The following ZNF114 variants were observed in gnomAD, a reference collection of about 807,000 sequenced individuals.
The protein encoded by ZNF114 is zinc finger protein 114, also known as zinc finger protein 114 (Y18).
Under a neutral mutation model 6.8 loss-of-function variants are expected in ZNF114, and 8 were observed. The ratio of observed to expected loss-of-function variants is 1.18; its 90% CI spans 0.69 to 2.13. The LOEUF is 2.13. Ranked by LOEUF, ZNF114 falls within the 30% of genes most tolerant of loss-of-function variation. The pLI is 0.00. For synonymous variants in ZNF114, 169 were observed against 185.5 expected (o/e 0.91, Z 0.72); for missense variants, 472 against 519.5 (o/e 0.91, Z 0.89).
intron 3 of ZNF114, among the ~76,000 whole-genome samples, chr19:48,273,055 A>G (rs1264941376): frequency 1.3e-5 from 2 of 152,162 alleles, no homozygotes; most frequent in Non-Finnish European, 2.9e-5. Flanking sequence ...TCGGCCTCCC[A>G]AAGGGCTGGG....
intron 5 of ZNF114, 58 bp downstream of exon 5, chr19:48,282,555 C>A: frequency 6.4e-7 from 1 of 1,550,390 alleles, no homozygotes; most frequent in Non-Finnish European, 8.7e-7. Context: ...GGTTTGGAAC[C>A]GTGTTCTGGG....
chr19:48,283,823 T>A (rs1474061187), intron 5 of ZNF114, among the ~76,000 whole-genome samples: 1 of 151,624 alleles, frequency 6.6e-6, no homozygotes, highest in Non-Finnish European at 1.5e-5. Context: ...AACCTCCACC[T>A]CCCGGGTTCA....
chr19:48,282,391 C>T lies in ZNF114; in HGVS notation c.30C>T (p.Asp10=), dbSNP rs114360264. MSQDSVTFA[D]VAVNFTKEEW... ...TTTAGGACTCGGTGACCTTCGCAGACGTGGCTGTGAACTTCACCAAAGAGG... is the reference window on the plus strand; with the variant it reads ...TTTAGGACTCGGTGACCTTCGCAGATGTGGCTGTGAACTTCACCAAAGAGG... Residue 10 remains aspartate (D), a synonymous_variant, in exon 5 of 6, where the codon GAC becomes GAT. Coordinates refer to ENST00000595607, the MANE Select transcript of ZNF114 (RefSeq NM_153608.4). The T allele has an allele frequency of 2.6e-4, 415 of 1,612,998 alleles. 1 individual carries two copies. The African/African-American group carries it at 4.4e-3, about 17-fold the overall frequency.
intron 5 of ZNF114, among the ~76,000 whole-genome samples, chr19:48,285,068 C>T (rs1245447823): frequency 6.6e-6 from 1 of 152,244 alleles, no homozygotes; most frequent in Non-Finnish European, 1.5e-5. Context: ...ATGACACTCT[C>T]CATGTTGAAC....
At position 48,275,457 on chromosome 19, in the gene ZNF114, C is replaced by CACAA. The variant is rs1181746572; in HGVS notation, c.-70+3630_-70+3631insCAAA. Among the ~76,000 whole-genome samples the CACAA allele has an allele frequency of 4.6e-4, 67 of 144,678 alleles. 1 individual carries two copies. Among genetic ancestry groups the CACAA allele is most frequent in the African/African-American group, 1.6e-3 (62 of 39,542 alleles). The allele number at this position is 144,678 out of a possible 152,430, so 94.9% of individuals were successfully genotyped here. A position where few individuals can be genotyped will look rare whatever the true frequency, so the allele number is the denominator to read the frequency against. On this transcript the variant is annotated intron_variant, in intron 3 of 5. Coordinates refer to ENST00000595607, the MANE Select transcript of ZNF114 (RefSeq NM_153608.4). ...ACACACACACACACACACACACACA[C>CACAA]AAAATAGCCAGGCGTGGTGGTGGTC... is the stretch of plus-strand genomic sequence containing the variant.
intron 4 of ZNF114, 126 bp downstream of exon 4, chr19:48,279,934 G>A (rs1450637855): frequency 7.2e-7 from 1 of 1,382,096 alleles, no homozygotes; most frequent in African/African-American, 1.4e-5. Context: ...CAGCCGTGCT[G>A]CCCTAGGTCT....
chr19:48,276,157 G>A (rs1337748494), intron 3 of ZNF114, among the ~76,000 whole-genome samples: 3 of 131,302 alleles, frequency 2.3e-5, no homozygotes, highest in Admixed American at 8.7e-5. Context: ...TCGGCTCACC[G>A]CAACCTCCGC....
At chr19:48,277,398 C>T (rs372473476) in intron 3 of ZNF114, among the ~76,000 whole-genome samples, 18 of 152,194 alleles carry the variant, frequency 1.2e-4, no homozygotes, top group African/African-American at 4.1e-4. Context: ...TGTAGTTTTC[C>T]GTCATCCGTA....
chr19:48,282,608 C>A (rs1968020610), intron 5 of ZNF114, 111 bp downstream of exon 5: 7 of 1,322,098 alleles, frequency 5.3e-6, no homozygotes. Context: ...TCCAGAGACA[C>A]AGCTGCTGCC....
At chr19:48,278,926 G>C (rs1462781919) in intron 3 of ZNF114, among the ~76,000 whole-genome samples, 5 of 151,440 alleles carry the variant, frequency 3.3e-5, no homozygotes, top group Non-Finnish European at 4.4e-5. Context: ...CTGGGCAACA[G>C]AGTGAGACTC....
Position 48,270,393 on chromosome 19 carries a change from G to GAAA in ZNF114, c.-377+183_-377+185dup, listed in dbSNP as rs57820634. ...AAGGACAGAGCAAGAACTTGTCTCAGAAAAAAAAAAAGAAAAAAAGAATAA... is the reference window on the plus strand; with the variant it reads ...AAGGACAGAGCAAGAACTTGTCTCAGAAAAAAAAAAAAAAGAAAAAAAGAATAA... On this transcript the variant is annotated intron_variant, in intron 1 of 5. Coordinates refer to ENST00000595607, the MANE Select transcript of ZNF114 (RefSeq NM_153608.4). 4.5e-3 allele frequency among the ~76,000 whole-genome samples: 451 copies of GAAA among 99,214 alleles called. 3 individuals are homozygous for GAAA. Among genetic ancestry groups the GAAA allele is most frequent in the African/African-American group, 0.019 (439 of 23,646 alleles). The allele number at this position is 99,214 out of a possible 152,430, so 65.1% of individuals were successfully genotyped here.
rs775398198 is a variant in ZNF114 at position 48,286,324 on chromosome 19, G to A, written c.700G>A (p.Gly234Arg). ...NPFGKAFREDGSLRAHNTHGR... is the reference protein window; with the variant it reads ...NPFGKAFREDRSLRAHNTHGR... Reference sequence around the variant, plus strand: ...ATTTGGAAAAGCTTTCCGTGAAGACGGATCCCTTAGGGCACACAACACTCA... The same window carrying A: ...ATTTGGAAAAGCTTTCCGTGAAGACAGATCCCTTAGGGCACACAACACTCA... Residue 234 changes from glycine to arginine, a missense_variant, in exon 6 of 6, where the codon GGA becomes AGA. By Grantham distance (125) the Gly-to-Arg change is moderately radical. Transcript: ENST00000595607. 9.3e-6 allele frequency: 15 copies of A among 1,614,166 alleles called. 1 individual carries two copies. The highest frequency in any genetic ancestry group is 4.5e-5 in the East Asian group (2 of 44,886).
intron 5 of ZNF114, among the ~76,000 whole-genome samples, chr19:48,283,490 T>G (rs1968044309): frequency 6.6e-6 from 1 of 152,108 alleles, no homozygotes; most frequent in Non-Finnish European, 1.5e-5. Context: ...GAGCAAGAAG[T>G]GGTCTGAAAA....
chr19:48,272,527 G>A (rs1967691385), intron 3 of ZNF114, among the ~76,000 whole-genome samples: 1 of 148,042 alleles, frequency 6.8e-6, no homozygotes, highest in Non-Finnish European at 1.5e-5. Flanking sequence ...CTGGGAGGTG[G>A]AGATTGCAGT....
At chr19:48,273,375 T>C (rs1402338168) in intron 3 of ZNF114, among the ~76,000 whole-genome samples, 1 of 151,956 alleles carries the variant, frequency 6.6e-6, no homozygotes, top group African/African-American at 2.4e-5. Context: ...CTCAGCCTGC[T>C]CACCTGAGCT....
intron 3 of ZNF114, among the ~76,000 whole-genome samples, chr19:48,277,794 G>GGGTGTGTGTGTGTGTGTGTGTGTGT (rs1330052475): frequency 6.7e-5 from 8 of 119,336 alleles, no homozygotes; most frequent in African/African-American, 2.6e-4. Flanking sequence ...GGAGGCATTG[G>GGGTGTGTGTGTGTGTGTGTGTGTGT]GTGTGTGTGT....
intron 3 of ZNF114, among the ~76,000 whole-genome samples, chr19:48,273,647 C>T (rs1299677242): frequency 6.6e-6 from 1 of 151,762 alleles, no homozygotes; most frequent in Non-Finnish European, 1.5e-5. Context: ...TCAAGATAGA[C>T]GTGGAATGTT....
At chr19:48,270,614 AAGGG>A (rs1967629011) in intron 1 of ZNF114, among the ~76,000 whole-genome samples, 1 of 144,322 alleles carries the variant, frequency 6.9e-6, no homozygotes, top group Non-Finnish European at 1.5e-5. Context: ...GGGAGGGAGG[AAGGG>A]AGGGAGGGAG....
At position 48,286,401 on chromosome 19, in the gene ZNF114, TAACTC is replaced by T. The variant is rs1482611067; in HGVS notation, c.780_784del (p.Ile262ArgfsTer42). On this transcript the variant is annotated frameshift_variant, in exon 6 of 6. Coordinates refer to ENST00000595607, the MANE Select transcript of ZNF114 (RefSeq NM_153608.4). LOFTEE classifies it low-confidence loss of function (END_TRUNC). ...CTCAGTGCGAGAACACCTCCAGAAA[TAACTC>T]AATTCACGCCATGCAGATGCAGTTG... is the stretch of plus-strand genomic sequence containing the variant. 3.1e-6 allele frequency: 5 copies of T among 1,613,864 alleles called. No individual in the cohort carries two copies. The highest frequency in any genetic ancestry group is 1.1e-5 in the South Asian group (1 of 91,084).
Sources: allele counts gnomAD v4.1 joint callset (sites outside exome capture counted in the v4.1 genomes callset), GRCh38; gene constraint gnomAD v4.1.1; transcripts MANE v1.5; gene names NCBI Gene and HGNC (gene_info 2026-07-23, HGNC 2026-07-21).